Variants in UBE2H observed in about 807,000 individuals in gnomAD.
UBE2H encodes the protein ubiquitin conjugating enzyme E2 H.
Under a neutral mutation model 29.0 loss-of-function variants are expected in UBE2H, and 3 were observed. The ratio of observed to expected loss-of-function variants is 0.10; its 90% CI spans 0.05 to 0.27. The LOEUF (loss-of-function observed/expected upper bound fraction) is 0.27. UBE2H is among the 10% of genes least tolerant of loss of function. UBE2H has a pLI of 1.00. For missense variants in UBE2H, 68 were observed against 228.2 expected, an observed-to-expected ratio of 0.30 and a Z score of 4.52; for synonymous variants, 69 against 82.9, an observed-to-expected ratio of 0.83 and a Z score of 0.91.
intron 1 of UBE2H, among the ~76,000 whole-genome samples, chr7:129,924,704 G>C (rs1326683557): frequency 6.6e-6 from 1 of 151,756 alleles, no homozygotes; most frequent in Non-Finnish European, 1.5e-5. Context: ...ATTCAAGTTG[G>C]AGAGACTTAA....
intron 1 of UBE2H, among the ~76,000 whole-genome samples, chr7:129,890,660 C>T (rs993290447): frequency 2.0e-5 from 3 of 152,118 alleles, no homozygotes; most frequent in African/African-American, 7.2e-5. Flanking sequence ...GCGTGAGCCA[C>T]TGCGCCCAGC....
chr7:129,870,657 A>G (rs1806011991), intron 3 of UBE2H, among the ~76,000 whole-genome samples: 1 of 152,194 alleles, frequency 6.6e-6, no homozygotes, highest in Non-Finnish European at 1.5e-5. Flanking sequence ...TCCGGCTACA[A>G]AAGCTTTTAT....
intron 1 of UBE2H, among the ~76,000 whole-genome samples, chr7:129,937,276 C>T (rs1807550250): frequency 6.6e-6 from 1 of 151,996 alleles, no homozygotes; most frequent in African/African-American, 2.4e-5. Context: ...TTGCAGTGAG[C>T]CGAGATCACA....
At chr7:129,913,806 G>T (rs1806988718) in intron 1 of UBE2H, among the ~76,000 whole-genome samples, 2 of 152,094 alleles carry the variant, frequency 1.3e-5, no homozygotes, top group South Asian at 4.1e-4. Context: ...TGTCTCTCAA[G>T]GGGAGAAAAT....
chr7:129,873,425 C>CTTTTTTTTTT (rs373132869), intron 3 of UBE2H, among the ~76,000 whole-genome samples: 2 of 122,974 alleles, frequency 1.6e-5, no homozygotes. Flanking sequence ...ACATCAAATT[C>CTTTTTTTTTT]TTTTTTTTTT....
At chr7:129,940,020 G>C (rs1166386106) in intron 1 of UBE2H, among the ~76,000 whole-genome samples, 1 of 151,936 alleles carries the variant, frequency 6.6e-6, no homozygotes, top group Non-Finnish European at 1.5e-5. Context: ...AGTTATACTG[G>C]CACCCTTTGG....
At chr7:129,949,975 C>G (rs1807841875) in intron 1 of UBE2H, among the ~76,000 whole-genome samples, 1 of 152,154 alleles carries the variant, frequency 6.6e-6, no homozygotes, top group African/African-American at 2.4e-5. Context: ...TCTTTCTCAA[C>G]CCCCAGCCTT....
chr7:129,874,199 GTAAAGTAGATATGA>G (rs1806099608), intron 3 of UBE2H, among the ~76,000 whole-genome samples: 1 of 152,000 alleles, frequency 6.6e-6, no homozygotes, highest in Admixed American at 6.5e-5. Flanking sequence ...TAGTGTTTAA[GTAAAGTAGATATGA>G]TATGAAGGAG....
chr7:129,869,371 C>G (rs544378952), intron 3 of UBE2H, among the ~76,000 whole-genome samples: 21 of 152,052 alleles, frequency 1.4e-4, no homozygotes, highest in Admixed American at 9.8e-4. Flanking sequence ...CATCTCCTAT[C>G]CTACCAATCC....
intron 2 of UBE2H, 57 bp downstream of exon 2, chr7:129,880,838 T>C: frequency 6.7e-7 from 1 of 1,498,544 alleles, no homozygotes; most frequent in Non-Finnish European, 9.2e-7. Flanking sequence ...TGATATTCTA[T>C]TAAGAAACAG....
intron 5 of UBE2H, among the ~76,000 whole-genome samples, chr7:129,854,068 T>TTTTTTTTTTTTTTTTTATTTA (rs1805661828): frequency 6.7e-6 from 1 of 148,706 alleles, no homozygotes; most frequent in East Asian, 2.0e-4. Context: ...TAGTTTTTTT[T>TTTTTTTTTTTTTTTTTATTTA]TTTTTTTTTT....
chr7:129,867,724 C>CAAAAAAAAAAAAAAAAAAGAAAAAAAA (rs1805940172), intron 3 of UBE2H, among the ~76,000 whole-genome samples: 1 of 31,192 alleles, frequency 3.2e-5, no homozygotes, highest in Non-Finnish European at 5.8e-5. Flanking sequence ...AAAAGAAAAC[C>CAAAAAAAAAAAAAAAAAAGAAAAAAAA]AAAAAAAAAA....
intron 3 of UBE2H, among the ~76,000 whole-genome samples, chr7:129,868,318 G>A (rs1283838253): frequency 6.6e-6 from 1 of 152,090 alleles, no homozygotes; most frequent in Non-Finnish European, 1.5e-5. Context: ...AGAAAGAAAT[G>A]GACTGTAATC....
intron 1 of UBE2H, among the ~76,000 whole-genome samples, chr7:129,910,812 G>T (rs939220849): frequency 1.3e-5 from 2 of 152,164 alleles, no homozygotes; most frequent in Non-Finnish European, 2.9e-5. Context: ...AACCCGGGAA[G>T]CGGAGGTTGC....
At chr7:129,896,371 C>T (rs1368590838) in intron 1 of UBE2H, among the ~76,000 whole-genome samples, 1 of 151,956 alleles carries the variant, frequency 6.6e-6, no homozygotes, top group Non-Finnish European at 1.5e-5. Flanking sequence ...ACACTGCTTC[C>T]ATTTTTCATT....
chr7:129,879,432 T>C, intron 3 of UBE2H, 136 bp downstream of exon 3: 1 of 776,160 alleles, frequency 1.3e-6, no homozygotes, highest in East Asian at 2.5e-5. Context: ...AAGTCACTGA[T>C]TAATTAACCA....
intron 5 of UBE2H, among the ~76,000 whole-genome samples, chr7:129,850,339 C>T (rs1487929101): frequency 6.6e-6 from 1 of 151,860 alleles, no homozygotes; most frequent in Non-Finnish European, 1.5e-5. Context: ...GCCTGGGTGA[C>T]AGGGCAAGAC....
intron 3 of UBE2H, among the ~76,000 whole-genome samples, chr7:129,864,834 G>A (rs1805870167): frequency 6.6e-6 from 1 of 152,104 alleles, no homozygotes; most frequent in African/African-American, 2.4e-5. Context: ...TTACAGGAGT[G>A]AGCCACCGTG....
In UBE2H at chr7:129,831,196, A is replaced by G. The variant is rs1225273042; in HGVS notation, c.*3741T>C. Reference sequence around the variant, plus strand: ...GAGAAAGCACAAACATGGATTCAGAAGTCCAAAGAAATGCAGTTCGTTGCG... The same window carrying G: ...GAGAAAGCACAAACATGGATTCAGAGGTCCAAAGAAATGCAGTTCGTTGCG... On this transcript the variant is annotated 3_prime_UTR_variant, in exon 7 of 7. Transcript: ENST00000355621. 1 of 152,250 alleles carries G rather than the reference A, an allele frequency of 6.6e-6. No individual in the cohort carries two copies. The highest frequency in any genetic ancestry group is 1.5e-5 in the Non-Finnish European group (1 of 68,046). The allele number at this position is 152,250 out of a possible 1,614,324, so 9.4% of individuals were successfully genotyped here.
Sources: allele counts gnomAD v4.1 joint callset (sites outside exome capture counted in the v4.1 genomes callset), GRCh38; gene constraint gnomAD v4.1.1; transcripts MANE v1.5; gene names NCBI Gene and HGNC (gene_info 2026-07-23, HGNC 2026-07-21).